ERICH3: variants seen among roughly 807,000 people sequenced by gnomAD.
The protein encoded by ERICH3 is glutamate rich 3, also known as glutamate-rich protein 3.
ERICH3 carries 126 observed loss-of-function variants against 131.1 expected under a neutral mutation model. That is an observed-to-expected ratio of 0.96 (90% confidence interval 0.83 to 1.11). ERICH3 has a LOEUF of 1.11. Among genes scored for constraint, ERICH3 ranks in the 50% most tolerant of loss-of-function variants. ERICH3 has a pLI of 0.00. For missense variants in ERICH3, 2,050 were observed against 1,810.7 expected (o/e 1.13, Z -2.40); for synonymous variants, 695 against 644.6 (o/e 1.08, Z -1.18).
chr1:74,666,081 T>C (rs1479115087), intron 1 of ERICH3, among the ~76,000 whole-genome samples: 10 of 152,242 alleles, frequency 6.6e-5, no homozygotes, highest in Non-Finnish European at 1.5e-4. Context: ...AGATACCTTC[T>C]ACATCCCAGA....
At chr1:74,610,982 G>C (rs1245599764) in intron 9 of ERICH3, among the ~76,000 whole-genome samples, 1 of 151,972 alleles carries the variant, frequency 6.6e-6, no homozygotes, top group African/African-American at 2.4e-5. Context: ...TCTTAGGCTA[G>C]TTCCTGTTTA....
Position 74,617,862 on chromosome 1 carries a change from A to G in ERICH3, c.1000+2872T>C, listed in dbSNP as rs1464704516. ...ATTTAATTCACACCTCAATAAAGCT[A>G]TTTTTTAAAACTGAAAAAAAAGTCA... On this transcript the variant is annotated intron_variant, in intron 8 of 14. Transcript: ENST00000326665. Among the ~76,000 whole-genome samples, 5 of 152,264 alleles carry G rather than the reference A, an allele frequency of 3.3e-5. No individual in the cohort carries two copies. In the East Asian group the frequency reaches 7.7e-4, roughly 24 times the overall value.
intron 12 of ERICH3, 73 bp downstream of exon 12, chr1:74,589,558 G>T: frequency 1.4e-6 from 2 of 1,389,278 alleles, no homozygotes; most frequent in Non-Finnish European, 1.0e-6. Flanking sequence ...CCCAAGCTTT[G>T]GCATAGTGCA....
intron 1 of ERICH3, among the ~76,000 whole-genome samples, chr1:74,670,393 C>A (rs953955253): frequency 6.6e-6 from 1 of 152,098 alleles, no homozygotes; most frequent in Non-Finnish European, 1.5e-5. Flanking sequence ...CTTTGTATTC[C>A]AGCCCTTACC....
In ERICH3 at chr1:74,569,505, G is replaced by T. The variant is rs577316087; in HGVS notation, c.*953C>A. ...CTGTTGATTTATAATGAACTGCAAG[G>T]TTAGTTCACAGGTTTGAAATAACAG... On this transcript the variant is annotated 3_prime_UTR_variant, in exon 15 of 15. Transcript: ENST00000326665. 1.3e-5 allele frequency: 2 copies of T among 152,222 alleles called. No individual in the cohort carries two copies. Among genetic ancestry groups the T allele is most frequent in the East Asian group, 1.9e-4 (1 of 5,180 alleles). 9.4% of individuals were successfully genotyped at this position (152,222 alleles called of 1,614,324 possible).
At chr1:74,640,507 G>A (rs1341845088) in intron 5 of ERICH3, among the ~76,000 whole-genome samples, 2 of 152,082 alleles carry the variant, frequency 1.3e-5, no homozygotes, top group Non-Finnish European at 2.9e-5. Context: ...ATCAGAAAAA[G>A]TACATGTTAA....
At chr1:74,591,996 C>T (rs1255658475) in intron 11 of ERICH3, 3 of 152,126 alleles carry the variant, frequency 2.0e-5, no homozygotes, top group Non-Finnish European at 4.4e-5. Context: ...TGTCTTTGCG[C>T]TTATCCTCTT....
intron 10 of ERICH3, among the ~76,000 whole-genome samples, chr1:74,604,177 T>C (rs1204010212): frequency 6.6e-6 from 1 of 151,922 alleles, no homozygotes; most frequent in Non-Finnish European, 1.5e-5. Context: ...AGGAAACTTC[T>C]TTCTCTGTTC....
chr1:74,671,485 A>C (rs1311333675), intron 1 of ERICH3, among the ~76,000 whole-genome samples: 1 of 152,180 alleles, frequency 6.6e-6, no homozygotes, highest in African/African-American at 2.4e-5. Flanking sequence ...ATGTGATGTC[A>C]CCCTGGTGGC....
chr1:74,658,903 T>C (rs530174542), intron 1 of ERICH3, among the ~76,000 whole-genome samples: 12 of 152,348 alleles, frequency 7.9e-5, no homozygotes, highest in African/African-American at 2.9e-4. Context: ...AGAATTTCTG[T>C]TAAGCATTAG....
At chr1:74,631,031 A>G (rs935533371) in intron 7 of ERICH3, among the ~76,000 whole-genome samples, 2 of 152,200 alleles carry the variant, frequency 1.3e-5, no homozygotes, top group African/African-American at 4.8e-5. Flanking sequence ...GTTGGTTTTT[A>G]AGAATCTATG....
chr1:74,573,615 T>A, intron 13 of ERICH3, 124 bp from the exon 14 acceptor site: 1 of 1,146,024 alleles, frequency 8.7e-7, no homozygotes. Context: ...AAGAGGCCAT[T>A]GTATTATATA....
intron 12 of ERICH3, 21 bp from the exon 13 acceptor site, chr1:74,576,957 G>GA (rs756013428): frequency 1.3e-5 from 18 of 1,429,710 alleles, no homozygotes; most frequent in Admixed American, 4.0e-5. Context: ...AAAAAAAAAA[G>GA]AAAAAAAAGG....
rs1646479328 is a variant in ERICH3 at position 74,645,990 on chromosome 1, TA to T, written c.243+676del. Among the ~76,000 whole-genome samples the T allele has an allele frequency of 3.9e-5, 6 of 152,212 alleles. No individual in the cohort carries two copies. The South Asian group carries it at 1.2e-3, about 32-fold the overall frequency. On this transcript the variant is annotated intron_variant, in intron 3 of 14. Transcript: ENST00000326665. ...AGAAGTGACATGCTTTTTCAGAGAC[TA>T]AAATGGTGTTGATGCTTGAAACTAC... is the stretch of plus-strand genomic sequence containing the variant.
chr1:74,605,661 C>T (rs1294520866), intron 10 of ERICH3, among the ~76,000 whole-genome samples: 1 of 151,596 alleles, frequency 6.6e-6, no homozygotes, highest in African/African-American at 2.4e-5. Context: ...AACAGCTGGT[C>T]AGTGGAGCAG....
chr1:74,592,994 G>A (rs1380587029), intron 11 of ERICH3, among the ~76,000 whole-genome samples: 3 of 152,054 alleles, frequency 2.0e-5, no homozygotes, highest in Admixed American at 1.3e-4. Context: ...TTGTCATTAG[G>A]AGGGAAAAAT....
intron 6 of ERICH3, among the ~76,000 whole-genome samples, chr1:74,633,951 G>A (rs951686998): frequency 4.6e-5 from 7 of 151,726 alleles, no homozygotes; most frequent in Non-Finnish European, 7.4e-5. Flanking sequence ...ATCTCATCCC[G>A]TCTGTTTTTG....
chr1:74,636,551 CAGATT>C (rs1473179384), intron 5 of ERICH3, 113 bp from the exon 6 acceptor site: 4 of 1,018,524 alleles, frequency 3.9e-6, no homozygotes, highest in Non-Finnish European at 5.7e-6. Context: ...TTTTACTGAA[CAGATT>C]AAACTTTAAT....
intron 12 of ERICH3, among the ~76,000 whole-genome samples, chr1:74,582,819 A>AT (rs1010526851): frequency 3.3e-4 from 50 of 152,270 alleles, no homozygotes; most frequent in Admixed American, 6.5e-4. Context: ...TTTTTCAGGT[A>AT]TTTTTTACCA....
Sources: gnomAD v4.1 joint callset for allele counts (sites outside exome capture counted in the v4.1 genomes callset) on GRCh38, gnomAD v4.1.1 for gene constraint, MANE v1.5 for transcripts, NCBI Gene and HGNC (gene_info 2026-07-23, HGNC 2026-07-21) for gene names.